ADAMTSL3: variants seen among roughly 807,000 people sequenced by gnomAD.
The protein encoded by ADAMTSL3 is ADAMTS like 3.
ADAMTSL3 carries 128 observed loss-of-function variants against 201.7 expected under a neutral mutation model. That is an observed-to-expected ratio of 0.63 (90% CI 0.55 to 0.73). The LOEUF is 0.73. Ranked by LOEUF, ADAMTSL3 falls within the 30% of genes least tolerant of loss-of-function variation. The probability of loss-of-function intolerance (pLI) is 0.00; values close to 1 mark genes in which losing one functional copy is unlikely to be tolerated. For synonymous variants in ADAMTSL3, 738 were observed against 748.4 expected, an observed-to-expected ratio of 0.99 and a Z score of 0.23; for missense variants, 1,990 against 2,119.6, an observed-to-expected ratio of 0.94 and a Z score of 1.20.
chr15:83,766,321 G>C (rs893482942), intron 3 of ADAMTSL3, among the ~76,000 whole-genome samples: 1 of 152,168 alleles, frequency 6.6e-6, no homozygotes, highest in African/African-American at 2.4e-5. Context: ...ACAGAGCCTT[G>C]AACTTAGCAA....
chr15:83,826,219 A>G (rs1452883895), intron 6 of ADAMTSL3, among the ~76,000 whole-genome samples: 8 of 152,018 alleles, frequency 5.3e-5, no homozygotes, highest in Admixed American at 5.2e-4. Context: ...AATCCTCCCA[A>G]CCTAGTCTGC....
intron 7 of ADAMTSL3, among the ~76,000 whole-genome samples, chr15:83,840,184 G>T (rs530972963): frequency 4.6e-5 from 7 of 152,266 alleles, no homozygotes; most frequent in Admixed American, 3.9e-4. Flanking sequence ...AATGAATAGA[G>T]TAAGTAGGTA....
intron 16 of ADAMTSL3, among the ~76,000 whole-genome samples, chr15:83,920,514 T>C (rs2066119693): frequency 1.3e-5 from 2 of 152,236 alleles, no homozygotes; most frequent in South Asian, 4.1e-4. Flanking sequence ...TAAAATATTA[T>C]GCTTCACTCT....
rs990398302 is a variant in ADAMTSL3, at chr15:83,875,019, A to G, written c.960+4060A>G. ...AAGAATTGGGTCACGTGCCCACTCT[A>G]TACCATCCACCACTGTGTTCATCTG... On this transcript the variant is annotated intron_variant, in intron 9 of 29. Coordinates refer to ENST00000286744, the MANE Select transcript of ADAMTSL3 (RefSeq NM_207517.3). Among the ~76,000 whole-genome samples the G allele has an allele frequency of 1.8e-5, 2 of 112,384 alleles. 1 individual carries two copies. Among genetic ancestry groups the G allele is most frequent in the East Asian group, 8.1e-4 (2 of 2,484 alleles). 73.7% of individuals were successfully genotyped at this position (112,384 alleles called of 152,430 possible).
intron 3 of ADAMTSL3, 98 bp downstream of exon 3, chr15:83,704,606 T>C: frequency 6.6e-7 from 1 of 1,508,536 alleles, no homozygotes; most frequent in Non-Finnish European, 9.0e-7. Flanking sequence ...TATTTTCCTC[T>C]TTGCAATACA....
intron 3 of ADAMTSL3, among the ~76,000 whole-genome samples, chr15:83,763,911 T>C (rs2062852078): frequency 6.6e-6 from 1 of 152,214 alleles, no homozygotes; most frequent in Non-Finnish European, 1.5e-5. Flanking sequence ...GCTTGCCCCC[T>C]TTATCTTAAC....
chr15:83,979,158 A>G (rs1387887191), intron 20 of ADAMTSL3, among the ~76,000 whole-genome samples: 1 of 152,250 alleles, frequency 6.6e-6, no homozygotes, highest in African/African-American at 2.4e-5. Context: ...GCACCATCCC[A>G]GTGAGAGCAA....
chr15:83,939,073 C>G (rs940347954), intron 17 of ADAMTSL3, among the ~76,000 whole-genome samples: 1 of 152,108 alleles, frequency 6.6e-6, no homozygotes, highest in Non-Finnish European at 1.5e-5. Flanking sequence ...TTTGCTATGT[C>G]GTAGACACTG....
In ADAMTSL3 at chr15:83,655,771, T is replaced by G. The variant is rs768548668; in HGVS notation, c.10T>G (p.Trp4Gly). The change falls in exon 2 of 30, where the codon TGG becomes GGG. Residue 4 changes from tryptophan (W) to glycine (G), a missense_variant. Transcript: ENST00000286744. MAS[W>G]TSPWWVLIGM... The stretch of plus-strand genomic sequence containing the variant: ...GAGGAGACTAGACCCCATGGCTTCC[T>G]GGACGAGCCCCTGGTGGGTGCTGAT... 6.2e-7 allele frequency: 1 copy of G among 1,614,074 alleles called. No individual in the cohort carries two copies. Among genetic ancestry groups the G allele is most frequent in the Non-Finnish European group, 8.5e-7 (1 of 1,180,034 alleles).
intron 9 of ADAMTSL3, among the ~76,000 whole-genome samples, chr15:83,872,231 A>C (rs1006095818): frequency 1.1e-4 from 16 of 152,114 alleles, no homozygotes; most frequent in African/African-American, 3.6e-4. Flanking sequence ...GCATTTTACA[A>C]TAGCAATAAG....
At position 83,964,326 on chromosome 15, in the gene ADAMTSL3, C is replaced by A. The variant is rs1471336378; in HGVS notation, c.2491-6158C>A. 2.6e-5 allele frequency among the ~76,000 whole-genome samples: 4 copies of A among 151,952 alleles called. No individual in the cohort carries two copies. In the South Asian group the frequency reaches 8.3e-4, roughly 32 times the overall value. On this transcript the variant is annotated intron_variant, in intron 19 of 29. Coordinates refer to ENST00000286744, the MANE Select transcript of ADAMTSL3 (RefSeq NM_207517.3). Reference sequence around the variant, plus strand: ...CTAGAATAACCAGTTTAGAGAAGAACAAAAATGACCTAATGGAGCTGAAAA... The same window carrying A: ...CTAGAATAACCAGTTTAGAGAAGAAAAAAAATGACCTAATGGAGCTGAAAA...
At chr15:83,983,879 A>AT (rs1338969462) in intron 21 of ADAMTSL3, among the ~76,000 whole-genome samples, 1 of 152,216 alleles carries the variant, frequency 6.6e-6, no homozygotes, top group Non-Finnish European at 1.5e-5. Context: ...TATCTCTTGA[A>AT]TACCCACCAG....
chr15:83,775,742 C>A (rs1420962859), intron 4 of ADAMTSL3, among the ~76,000 whole-genome samples: 1 of 152,194 alleles, frequency 6.6e-6, no homozygotes, highest in African/African-American at 2.4e-5. Context: ...TGAGAAATTG[C>A]CTTTGCCCTC....
intron 17 of ADAMTSL3, among the ~76,000 whole-genome samples, chr15:83,935,339 T>C (rs150612797): frequency 7.9e-5 from 12 of 152,296 alleles, no homozygotes; most frequent in Non-Finnish European, 1.5e-4. Context: ...GGATCATGAC[T>C]AGTGCATTCA....
intron 13 of ADAMTSL3, among the ~76,000 whole-genome samples, chr15:83,895,601 G>A (rs569949588): frequency 3.4e-4 from 52 of 152,252 alleles, no homozygotes; most frequent in African/African-American, 1.2e-3. Context: ...TTCTGGAACC[G>A]TTGTAAACAG....
chr15:83,704,554 A>G (rs1468423516), intron 3 of ADAMTSL3, 46 bp downstream of exon 3: 8 of 1,541,794 alleles, frequency 5.2e-6, no homozygotes, highest in Admixed American at 3.9e-5. Flanking sequence ...GCTGTTTGCC[A>G]GTGGTCAGGA....
chr15:83,800,289 C>G (rs2063497059), intron 4 of ADAMTSL3, among the ~76,000 whole-genome samples: 1 of 152,104 alleles, frequency 6.6e-6, no homozygotes, highest in African/African-American at 2.4e-5. Flanking sequence ...AAAATGCTCT[C>G]TTTTTCATAT....
intron 16 of ADAMTSL3, among the ~76,000 whole-genome samples, chr15:83,921,137 C>T (rs2066135526): frequency 6.6e-6 from 1 of 152,184 alleles, no homozygotes; most frequent in African/African-American, 2.4e-5. Flanking sequence ...AATCTATTTA[C>T]TCTTTGGCCT....
At chr15:83,925,134 G>T (rs2066223853) in intron 17 of ADAMTSL3, among the ~76,000 whole-genome samples, 1 of 152,182 alleles carries the variant, frequency 6.6e-6, no homozygotes, top group Non-Finnish European at 1.5e-5. Flanking sequence ...GGGTGGTGAA[G>T]GTGGGGATTG....
Sources: allele counts gnomAD v4.1 joint callset (sites outside exome capture counted in the v4.1 genomes callset), GRCh38; gene constraint gnomAD v4.1.1; transcripts MANE v1.5; gene names NCBI Gene and HGNC (gene_info 2026-07-23, HGNC 2026-07-21).